Variants in AKAP11 observed in about 807,000 individuals in gnomAD.
AKAP11 encodes the protein A-kinase anchoring protein 11, also known as A-kinase anchor protein 11.
AKAP11 carries 36 observed loss-of-function variants against 146.1 expected under a neutral mutation model. That is an observed-to-expected ratio of 0.25 (90% CI 0.19 to 0.33). The LOEUF is 0.33. Ranked by LOEUF, AKAP11 falls within the 10% of genes least tolerant of loss-of-function variation. The pLI is 1.00. For missense variants in AKAP11, 2,201 were observed against 2,197.0 expected (o/e 1.00, Z -0.04); for synonymous variants, 780 against 786.5 (o/e 0.99, Z 0.14).
chr13:42,278,831 G>A (rs1958988513), intron 1 of AKAP11, among the ~76,000 whole-genome samples: 1 of 151,964 alleles, frequency 6.6e-6, no homozygotes, highest in Non-Finnish European at 1.5e-5. Flanking sequence ...TCTAGTGGTG[G>A]TCAACTGGTG....
rs139308846 is a variant in AKAP11, at chr13:42,319,338, G to T, written c.*110G>T. 648 of 1,387,756 alleles carry T rather than the reference G, an allele frequency of 4.7e-4. 4 individuals are homozygous for T. In the East Asian group the frequency reaches 0.015, roughly 32 times the overall value. 86.0% of individuals were successfully genotyped at this position (1,387,756 alleles called of 1,614,324 possible). ...TGAATATTAACATCGTAAGTCAGTT[G>T]GGAGGCAAGTAAATATAGCTTTCTG... On this transcript the variant is annotated 3_prime_UTR_variant, in exon 13 of 13. Coordinates refer to ENST00000025301, the MANE Select transcript of AKAP11 (RefSeq NM_016248.4).
chr13:42,273,719 A>G (rs532600378), intron 1 of AKAP11, among the ~76,000 whole-genome samples: 13 of 152,086 alleles, frequency 8.5e-5, no homozygotes, highest in Non-Finnish European at 1.6e-4. Flanking sequence ...AGCCCCCTGA[A>G]CTCCAGGGAT....
Position 42,298,728 on chromosome 13 carries a change from A to G in AKAP11, c.547A>G (p.Ile183Val), listed in dbSNP as rs762689866. Reference protein sequence around the residue: ...DDDTNQSVSSIEDDFVTAFEH... With the variant: ...DDDTNQSVSSVEDDFVTAFEH... ...TGATACTAACCAGTCTGTGTCATCC[A>G]TAGAGGATGACTTTGTCACTGCTTT... Residue 183 changes from isoleucine to valine, a missense_variant, in exon 7 of 13, where the codon ATA (isoleucine) becomes GTA (valine). Ile to Val is a conservative substitution (Grantham distance 29, BLOSUM62 3). Transcript: ENST00000025301. 5 of 1,604,302 alleles carry G rather than the reference A, an allele frequency of 3.1e-6. No individual in the cohort carries two copies. In the African/African-American group the frequency reaches 6.7e-5, roughly 22 times the overall value.
At chr13:42,304,651 C>T (rs1342379619) in intron 8 of AKAP11, among the ~76,000 whole-genome samples, 1 of 152,194 alleles carries the variant, frequency 6.6e-6, no homozygotes, top group East Asian at 1.9e-4. Flanking sequence ...TCTTTACATA[C>T]TTACACCATT....
rs368594160 is a variant in AKAP11, at chr13:42,303,355, G to A, written c.4609G>A (p.Val1537Ile). The change falls in exon 8 of 13, where the codon GTT becomes ATT. Residue 1537 changes from valine (V) to isoleucine (I), a missense_variant. Coordinates refer to ENST00000025301, the MANE Select transcript of AKAP11 (RefSeq NM_016248.4). ...TGGATATGGTTGTGGAGACAATGTTGTTCAAGCTGTAGAACAGTATGCCAA... is the reference window on the plus strand; with the variant it reads ...TGGATATGGTTGTGGAGACAATGTTATTCAAGCTGTAGAACAGTATGCCAA... ...LNGYGCGDNV[V>I]QAVEQYAKKV... The A allele has an allele frequency of 6.2e-7, 1 of 1,612,708 alleles. No homozygotes were observed. The highest frequency in any genetic ancestry group is 1.3e-5 in the African/African-American group (1 of 74,908).
chr13:42,277,882 C>CT (rs779217426), intron 1 of AKAP11, among the ~76,000 whole-genome samples: 58 of 152,304 alleles, frequency 3.8e-4, no homozygotes, highest in Non-Finnish European at 5.4e-4. Context: ...GTTGGTAGTA[C>CT]TTACAGTCCA....
chr13:42,276,271 G>A (rs1958915005), intron 1 of AKAP11, among the ~76,000 whole-genome samples: 1 of 152,000 alleles, frequency 6.6e-6, no homozygotes, highest in Admixed American at 6.5e-5. Context: ...TTTGAGACAT[G>A]GTCTTGCTCT....
In AKAP11 at chr13:42,319,157, G is replaced by C. The variant is rs1594366770; in HGVS notation, c.5635G>C (p.Glu1879Gln). The C allele has an allele frequency of 6.2e-7, 1 of 1,614,072 alleles. No homozygotes were observed. Residue 1879 changes from glutamate (E) to glutamine (Q), a missense_variant, in exon 13 of 13, where the codon GAA becomes CAA. This residue lies in a region of AKAP11 where 1,867 missense variants were observed against 1,833.5 expected (regional missense o/e 1.02). Transcript: ENST00000025301. ...DLLQAVLQYY[E>Q]VMEKASSEER... ...CCTGCAGGCTGTGCTTCAATACTAT[G>C]AAGTGATGGAAAAAGCTTCCAGTGA...
At chr13:42,299,015 T>C (rs1288484872) in intron 7 of AKAP11, among the ~76,000 whole-genome samples, 1 of 152,134 alleles carries the variant, frequency 6.6e-6, no homozygotes, top group African/African-American at 2.4e-5. Context: ...TCATATTTAG[T>C]TGGTGCTGTT....
At position 42,301,918 on chromosome 13, in the gene AKAP11, T is replaced by C. The variant is rs1347561718; in HGVS notation, c.3172T>C (p.Leu1058=). 2 of 1,614,164 alleles carry C rather than the reference T, an allele frequency of 1.2e-6. No homozygotes were observed. The highest frequency in any genetic ancestry group is 2.2e-5 in the South Asian group (2 of 91,086). Residue 1058 remains leucine (L), a synonymous_variant, in exon 8 of 13, where the codon TTG becomes CTG. Transcript: ENST00000025301. ...CTTGAATAGTACATCACTTGAGGCC[T>C]TGTCTTTTGGACAGGAAAACCCCTT... is the stretch of plus-strand genomic sequence containing the variant. ...HNLNSTSLEA[L]SFGQENPFPH... is the part of the protein sequence containing the mutation.
intron 1 of AKAP11, among the ~76,000 whole-genome samples, chr13:42,284,223 A>G (rs752430258): frequency 3.3e-5 from 5 of 152,246 alleles, no homozygotes; most frequent in Admixed American, 6.5e-5. Context: ...GCCCTTGTTA[A>G]TAAACTAGAT....
chr13:42,309,673 A>T (rs549778870), intron 9 of AKAP11, among the ~76,000 whole-genome samples: 13 of 152,362 alleles, frequency 8.5e-5, no homozygotes, highest in African/African-American at 3.1e-4. Flanking sequence ...CCAAAAAGAC[A>T]GTGTTTAAAA....
At chr13:42,313,322 C>A (rs966499160) in intron 10 of AKAP11, among the ~76,000 whole-genome samples, 192 bp downstream of exon 10, 5 of 152,188 alleles carry the variant, frequency 3.3e-5, no homozygotes, top group Non-Finnish European at 7.3e-5. Context: ...TGACTGACAT[C>A]TAATTGCAAA....
chr13:42,312,977 TC>T, intron 9 of AKAP11, 69 bp from the exon 10 acceptor site: 1 of 1,313,636 alleles, frequency 7.6e-7, no homozygotes, highest in Non-Finnish European at 1.1e-6. Flanking sequence ...CAGAAGCTGT[TC>T]CGAGGAAACA....
At chr13:42,295,038 A>G (rs1405628540) in intron 4 of AKAP11, among the ~76,000 whole-genome samples, 1 of 152,198 alleles carries the variant, frequency 6.6e-6, no homozygotes. Context: ...TAATCTCTAC[A>G]TAAGGATATT....
Position 42,302,193 on chromosome 13 carries a change from G to T in AKAP11, c.3447G>T (p.Leu1149Phe). 6.2e-7 allele frequency: 1 copy of T among 1,614,158 alleles called. No individual in the cohort carries two copies. Among genetic ancestry groups the T allele is most frequent in the Non-Finnish European group, 8.5e-7 (1 of 1,180,018 alleles). The change falls in exon 8 of 13, where the codon TTG becomes TTT. Residue 1149 changes from leucine to phenylalanine, a missense_variant. Around this residue, in one of 3 missense-constraint regions of AKAP11, gnomAD observed 1,867 missense variants for 1,833.5 expected, o/e 1.02. Coordinates refer to ENST00000025301, the MANE Select transcript of AKAP11 (RefSeq NM_016248.4). ...STPHNSSVGS[L>F]SENEQNTIEK... The stretch of plus-strand genomic sequence containing the variant: ...CACACAACTCATCTGTTGGTAGTTT[G>T]TCTGAGAATGAACAAAATACTATAG...
intron 11 of AKAP11, 44 bp from the exon 12 acceptor site, chr13:42,317,484 A>G: frequency 6.4e-7 from 1 of 1,559,264 alleles, no homozygotes; most frequent in Non-Finnish European, 8.7e-7. Context: ...ATTGAGAGTT[A>G]AATTGATGAG....
At chr13:42,317,005 G>A (rs140357530) in intron 11 of AKAP11, among the ~76,000 whole-genome samples, 1,931 of 152,220 alleles carry the variant, frequency 0.013, 38 homozygotes, top group African/African-American at 0.044. Context: ...AGCCTCCTGA[G>A]TAGCTGGGAC....
rs1243681803 is a variant in AKAP11 at position 42,311,762 on chromosome 13, C to G, written c.5274-1285C>G. Among the ~76,000 whole-genome samples the G allele has an allele frequency of 2.0e-5, 3 of 152,056 alleles. No individual in the cohort carries two copies. The East Asian group carries it at 5.8e-4, about 29-fold the overall frequency. On this transcript the variant is annotated intron_variant, in intron 9 of 12. Transcript: ENST00000025301. ...TTTTCTTTTTCTCCTTTGCTCACAG[C>G]TGTCTGTCCATTCTTTGTTTGTATA... is the stretch of plus-strand genomic sequence containing the variant.
Sources: allele counts gnomAD v4.1 joint callset (sites outside exome capture counted in the v4.1 genomes callset), GRCh38; gene constraint gnomAD v4.1.1; regional missense constraint gnomAD v4.1.1; transcripts MANE v1.5; gene names NCBI Gene and HGNC (gene_info 2026-07-23, HGNC 2026-07-21).